Variants in SPON1 observed in about 807,000 individuals in gnomAD.
SPON1 encodes the protein spondin-1.
SPON1 carries 52 observed loss-of-function variants against 111.7 expected under a neutral mutation model. The ratio of observed to expected loss-of-function variants is 0.47; its 90% CI spans 0.37 to 0.59. The LOEUF (loss-of-function observed/expected upper bound fraction) is 0.59, where lower values mean the gene tolerates loss of function less well. Among genes scored for constraint, SPON1 ranks in the 20% least tolerant of loss-of-function variants. The probability of loss-of-function intolerance (pLI) is 0.00; values close to 1 mark genes in which losing one functional copy is unlikely to be tolerated. For synonymous variants in SPON1, 410 were observed against 395.8 expected (o/e 1.04, Z -0.43); for missense variants, 957 against 1,068.5 (o/e 0.90, Z 1.46).
intron 5 of SPON1, among the ~76,000 whole-genome samples, chr11:14,106,689 A>G (rs1269659214): frequency 6.6e-6 from 1 of 152,216 alleles, no homozygotes; most frequent in African/African-American, 2.4e-5. Context: ...GGTATAGGAA[A>G]TCGCAGCATA....
intron 2 of SPON1, among the ~76,000 whole-genome samples, chr11:14,015,507 T>G (rs781909850): frequency 8.6e-5 from 13 of 151,954 alleles, no homozygotes; most frequent in Non-Finnish European, 1.9e-4. Context: ...TTTCAACATA[T>G]GAATTTTAGG....
chr11:14,132,523 A>T (rs10766139), intron 5 of SPON1, among the ~76,000 whole-genome samples: 60,491 of 152,002 alleles, frequency 0.4, 12,270 homozygotes, highest in East Asian at 0.51. Flanking sequence ...GTGCTATAAA[A>T]AACCCTGACC....
At chr11:13,987,743 G>T (rs549924520) in intron 2 of SPON1, among the ~76,000 whole-genome samples, 1 of 152,298 alleles carries the variant, frequency 6.6e-6, no homozygotes, top group East Asian at 1.9e-4. Flanking sequence ...GTGTAAGGAA[G>T]AGGTCCAGTT....
At position 14,254,707 on chromosome 11, in the gene SPON1, C is replaced by T. The variant is rs1849087564; in HGVS notation, c.1070C>T (p.Thr357Ile). The T allele has an allele frequency of 6.2e-7, 1 of 1,613,778 alleles. No homozygotes were observed. Among genetic ancestry groups the T allele is most frequent in the Non-Finnish European group, 8.5e-7 (1 of 1,179,874 alleles). ...GACCTGATTCCCTGGGACGCTGGCA[C>T]CGACAGCGGGGTGACCTATGAGGTG... ...VQDLIPWDAG[T>I]DSGVTYESPN... is the part of the protein sequence containing the mutation. The change falls in exon 8 of 16, where the codon ACC (threonine) becomes ATC (isoleucine). Residue 357 changes from threonine (T) to isoleucine (I), a missense_variant. Transcript: ENST00000576479.
At chr11:14,262,633 G>T in intron 14 of SPON1, 79 bp from the exon 15 acceptor site, 2 of 1,565,332 alleles carry the variant, frequency 1.3e-6, no homozygotes. Context: ...TCATAGGCTT[G>T]TTGAGATGTT....
chr11:14,127,659 G>A (rs1847476387), intron 5 of SPON1, among the ~76,000 whole-genome samples: 1 of 152,248 alleles, frequency 6.6e-6, no homozygotes, highest in African/African-American at 2.4e-5. Flanking sequence ...TGTATTAACA[G>A]TTTTCTTTTT....
intron 5 of SPON1, among the ~76,000 whole-genome samples, chr11:14,094,209 C>T (rs1345138344): frequency 1.4e-5 from 2 of 142,208 alleles, no homozygotes; most frequent in Non-Finnish European, 3.0e-5. Context: ...GAGACTCTGT[C>T]TCAAAAAAAA....
chr11:14,118,318 C>T (rs1322034775), intron 5 of SPON1, among the ~76,000 whole-genome samples: 2 of 152,162 alleles, frequency 1.3e-5, no homozygotes, highest in African/African-American at 4.8e-5. Flanking sequence ...TAGCCTCTCT[C>T]CCACATTTAA....
chr11:14,124,422 G>A (rs2133855366), intron 5 of SPON1, among the ~76,000 whole-genome samples: 1 of 152,260 alleles, frequency 6.6e-6, no homozygotes, highest in Non-Finnish European at 1.5e-5. Context: ...CCTTATTTGT[G>A]CTGTGACATT....
intron 3 of SPON1, among the ~76,000 whole-genome samples, chr11:14,064,619 G>T (rs1848818292): frequency 6.6e-6 from 1 of 152,182 alleles, no homozygotes; most frequent in African/African-American, 2.4e-5. Flanking sequence ...TGTTTAGAGA[G>T]GACCTACTGT....
At chr11:14,195,916 A>T (rs1447678476) in intron 6 of SPON1, among the ~76,000 whole-genome samples, 1 of 152,178 alleles carries the variant, frequency 6.6e-6, no homozygotes. Context: ...TCTGGGTCTG[A>T]GGGTGTATAC....
At chr11:14,127,302 G>GAA (rs11398250) in intron 5 of SPON1, among the ~76,000 whole-genome samples, 3,417 of 136,716 alleles carry the variant, frequency 0.025, 107 homozygotes, top group African/African-American at 0.071. Context: ...TCTGACCTCC[G>GAA]AAAAAAAAAA....
chr11:14,035,997 A>T (rs782132804), intron 2 of SPON1, among the ~76,000 whole-genome samples: 41 of 152,150 alleles, frequency 2.7e-4, no homozygotes, highest in Non-Finnish European at 4.3e-4. Flanking sequence ...GACTATTTTT[A>T]AAAAGGCTTT....
At chr11:14,141,029 C>CAACCA (rs1554928725) in intron 6 of SPON1, among the ~76,000 whole-genome samples, 27 of 132,274 alleles carry the variant, frequency 2.0e-4, no homozygotes, top group African/African-American at 7.2e-4. Flanking sequence ...GTGCCCCCCC[C>CAACCA]ATGCCCCACT....
chr11:14,007,998 A>G (rs139064420), intron 2 of SPON1, among the ~76,000 whole-genome samples: 1 of 152,340 alleles, frequency 6.6e-6, no homozygotes, highest in African/African-American at 2.4e-5. Flanking sequence ...AGATCCTTAA[A>G]TAAATCATAT....
At chr11:14,205,563 TA>T (rs1554936105) in intron 6 of SPON1, among the ~76,000 whole-genome samples, 1 of 152,254 alleles carries the variant, frequency 6.6e-6, no homozygotes, top group African/African-American at 2.4e-5. Flanking sequence ...GTCGGAGTTT[TA>T]TTTTTTTAAT....
At chr11:13,976,060 A>G (rs1848101163) in intron 1 of SPON1, among the ~76,000 whole-genome samples, 1 of 152,198 alleles carries the variant, frequency 6.6e-6, no homozygotes, top group Non-Finnish European at 1.5e-5. Context: ...ACGTTCCTAT[A>G]AGAAAGGCGA....
chr11:14,191,022 T>G (rs1848342975), intron 6 of SPON1, among the ~76,000 whole-genome samples: 1 of 152,078 alleles, frequency 6.6e-6, no homozygotes, highest in Non-Finnish European at 1.5e-5. Context: ...ATATAAAGAA[T>G]AAAAAAGAGC....
intron 6 of SPON1, among the ~76,000 whole-genome samples, chr11:14,151,733 A>G (rs1011796687): frequency 3.3e-5 from 5 of 152,238 alleles, no homozygotes; most frequent in Admixed American, 1.3e-4. Flanking sequence ...TTGTTCTATA[A>G]TCATGTAAAC....
Sources: gnomAD v4.1 joint callset for allele counts (sites outside exome capture counted in the v4.1 genomes callset) on GRCh38, gnomAD v4.1.1 for gene constraint, MANE v1.5 for transcripts, NCBI Gene and HGNC (gene_info 2026-07-23, HGNC 2026-07-21) for gene names.